Variants in SHANK2 observed in about 807,000 individuals in gnomAD.
The protein encoded by SHANK2 is SH3 and multiple ankyrin repeat domains protein 2.
In SHANK2, 43 loss-of-function variants were observed where a neutral mutation model predicts 133.7. The ratio of observed to expected loss-of-function variants is 0.32; its 90% CI spans 0.25 to 0.41. The LOEUF is 0.41. Among genes scored for constraint, SHANK2 ranks in the 10% least tolerant of loss-of-function variants. SHANK2 has a pLI of 1.00. For synonymous variants in SHANK2, 1,017 were observed against 952.8 expected (o/e 1.07, Z -1.24); for missense variants, 1,994 against 2,235.8 (o/e 0.89, Z 2.18).
intron 14 of SHANK2, among the ~76,000 whole-genome samples, chr11:70,756,673 G>A (rs1555038992): frequency 6.6e-6 from 1 of 152,184 alleles, no homozygotes; most frequent in East Asian, 1.9e-4. Flanking sequence ...GAGGCTTGGA[G>A]CTGCTGAGGG....
chr11:70,641,034 G>A (rs1269278915), intron 17 of SHANK2, among the ~76,000 whole-genome samples: 4 of 151,854 alleles, frequency 2.6e-5, no homozygotes, highest in Admixed American at 1.3e-4. Flanking sequence ...AATAGATCGT[G>A]TACAGAATTT....
intron 8 of SHANK2, among the ~76,000 whole-genome samples, chr11:71,085,715 T>TTATAC (rs1491141567): frequency 1.8e-4 from 12 of 64,876 alleles, no homozygotes; most frequent in African/African-American, 7.4e-4. Flanking sequence ...GTTATATATA[T>TTATAC]TATATTATAT....
At chr11:70,710,058 G>A (rs1555025800) in intron 14 of SHANK2, among the ~76,000 whole-genome samples, 1 of 152,100 alleles carries the variant, frequency 6.6e-6, no homozygotes, top group East Asian at 1.9e-4. Context: ...AGCAGAAGAG[G>A]TTTTCTAGGC....
At chr11:70,602,487 G>A (rs1554991283) in intron 17 of SHANK2, among the ~76,000 whole-genome samples, 1 of 152,212 alleles carries the variant, frequency 6.6e-6, no homozygotes. Context: ...CCCAAACCAG[G>A]AGGGGGTCAC....
intron 11 of SHANK2, among the ~76,000 whole-genome samples, chr11:70,847,569 C>A (rs1439762022): frequency 6.6e-6 from 1 of 152,352 alleles, no homozygotes; most frequent in East Asian, 1.9e-4. Context: ...TGCTCTGGAA[C>A]GGGGGACCAG....
chr11:70,482,237 A>G (rs993811581), intron 25 of SHANK2, among the ~76,000 whole-genome samples: 2 of 152,216 alleles, frequency 1.3e-5, no homozygotes, highest in African/African-American at 2.4e-5. Flanking sequence ...GGGAACAGAC[A>G]TGGCCTCTGG....
intron 2 of SHANK2, among the ~76,000 whole-genome samples, chr11:71,159,980 A>AG (rs1952980794): frequency 6.6e-6 from 1 of 151,698 alleles, no homozygotes; most frequent in African/African-American, 2.4e-5. Flanking sequence ...GGAAAAAAAA[A>AG]AAAAAAAAAA....
intron 17 of SHANK2, among the ~76,000 whole-genome samples, chr11:70,650,138 T>C (rs1240590330): frequency 6.6e-6 from 1 of 152,182 alleles, no homozygotes; most frequent in Non-Finnish European, 1.5e-5. Flanking sequence ...GGGGCCTCTC[T>C]GAGAAGGCAT....
intron 17 of SHANK2, among the ~76,000 whole-genome samples, chr11:70,596,352 G>A (rs1448839762): frequency 3.3e-5 from 5 of 152,214 alleles, no homozygotes; most frequent in African/African-American, 9.6e-5. Context: ...CACCAGTTCC[G>A]GAAGGAGCCA....
chr11:70,711,651 G>C (rs1555026153), intron 14 of SHANK2, among the ~76,000 whole-genome samples: 2 of 151,978 alleles, frequency 1.3e-5, no homozygotes, highest in African/African-American at 4.8e-5. Flanking sequence ...CAAGCTGTTG[G>C]GTATGGGACC....
chr11:70,769,134 G>A lies in SHANK2; in HGVS notation c.1777+29309C>T, dbSNP rs913548889. Among the ~76,000 whole-genome samples the A allele has an allele frequency of 4.1e-4, 63 of 152,258 alleles. 2 individuals are homozygous for A. Among genetic ancestry groups the A allele is most frequent in the Admixed American group, 2.5e-3 (38 of 15,306 alleles). ...CTACTTGTTCTAGTAAGAGGTTGGC[G>A]GGGTGAATGAATGGGTGGGTGGGTG... On this transcript the variant is annotated intron_variant, in intron 14 of 25. Coordinates refer to ENST00000601538, the MANE Select transcript of SHANK2 (RefSeq NM_012309.5).
At chr11:71,186,153 T>C (rs1231826091) in intron 2 of SHANK2, among the ~76,000 whole-genome samples, 1 of 152,220 alleles carries the variant, frequency 6.6e-6, no homozygotes, top group Non-Finnish European at 1.5e-5. Flanking sequence ...CCCAATTTGA[T>C]GCCCATTCAC....
At chr11:71,083,978 T>TCG (rs1303492988) in intron 8 of SHANK2, among the ~76,000 whole-genome samples, 1 of 69,358 alleles carries the variant, frequency 1.4e-5, no homozygotes, top group Non-Finnish European at 3.4e-5. Flanking sequence ...CAACTTTTTT[T>TCG]TGGGGGGGGG....
At position 70,804,657 on chromosome 11, in the gene SHANK2, G is replaced by A. The variant is rs542093631; in HGVS notation, c.1663+2345C>T. The stretch of plus-strand genomic sequence containing the variant: ...GTCCTGGGGCCTGGATAGGAGTCAC[G>A]TGACCTCCCTTCTTTCCTTTGTTGA... On this transcript the variant is annotated intron_variant, in intron 13 of 25. Coordinates refer to ENST00000601538, the MANE Select transcript of SHANK2 (RefSeq NM_012309.5). This position sits in a 1 kb window ranked among gnomAD's most constrained non-coding sequence, Gnocchi z 4.1. 7.2e-5 allele frequency among the ~76,000 whole-genome samples: 11 copies of A among 152,290 alleles called. No homozygotes were observed. Among genetic ancestry groups the A allele is most frequent in the African/African-American group, 1.4e-4 (6 of 41,570 alleles).
At chr11:70,560,490 T>G (rs982197724) in intron 17 of SHANK2, among the ~76,000 whole-genome samples, 2 of 115,912 alleles carry the variant, frequency 1.7e-5, no homozygotes, top group African/African-American at 6.7e-5. Context: ...AGGGTTTTTT[T>G]TTTTTTTTTT....
chr11:70,906,676 C>A (rs1230758114), intron 10 of SHANK2, among the ~76,000 whole-genome samples: 1 of 152,174 alleles, frequency 6.6e-6, no homozygotes, highest in South Asian at 2.1e-4. Context: ...GATAATGGTG[C>A]TTCATTTATT....
At chr11:70,843,965 C>G (rs552463600) in intron 11 of SHANK2, among the ~76,000 whole-genome samples, 3 of 152,262 alleles carry the variant, frequency 2.0e-5, no homozygotes, top group Admixed American at 2.0e-4. Flanking sequence ...TTTGGGGACA[C>G]GGCCTTCGTG....
At chr11:71,139,257 C>T (rs1305766769) in intron 3 of SHANK2, among the ~76,000 whole-genome samples, 11 of 151,366 alleles carry the variant, frequency 7.3e-5, no homozygotes, top group South Asian at 2.1e-4. Context: ...GCGGGGCCGA[C>T]GTAGACACCC....
At chr11:70,912,944 A>G (rs1398287656) in intron 10 of SHANK2, among the ~76,000 whole-genome samples, 1 of 152,082 alleles carries the variant, frequency 6.6e-6, no homozygotes, top group African/African-American at 2.4e-5. Flanking sequence ...CCACAAAAAG[A>G]TCTCCCGGGA....
Sources: gnomAD v4.1 joint callset for allele counts (sites outside exome capture counted in the v4.1 genomes callset) on GRCh38, gnomAD v4.1.1 for gene constraint, Gnocchi (gnomAD v3.1) non-coding constraint, MANE v1.5 for transcripts, NCBI Gene and HGNC (gene_info 2026-07-23, HGNC 2026-07-21) for gene names.